Variants in KCNG2 observed in about 807,000 individuals in gnomAD.
KCNG2 encodes potassium voltage-gated channel modifier subfamily G member 2.
Under a neutral mutation model 12.3 loss-of-function variants are expected in KCNG2, and 7 were observed. That is an observed-to-expected ratio of 0.57 (90% confidence interval 0.32 to 1.07). KCNG2 has a LOEUF of 1.07. Among genes scored for constraint, KCNG2 ranks in the 50% least tolerant of loss-of-function variants. The pLI, the probability that KCNG2 is intolerant of heterozygous loss-of-function variation, is 0.04. For missense variants in KCNG2, 703 were observed against 726.0 expected, an observed-to-expected ratio of 0.97 and a Z score of 0.36; for synonymous variants, 414 against 351.4, an observed-to-expected ratio of 1.18 and a Z score of -1.99.
intron 3 of KCNG2, among the ~76,000 whole-genome samples, chr18:79,864,941 T>C (rs189716088): frequency 5.1e-4 from 45 of 88,032 alleles, no homozygotes; most frequent in Admixed American, 4.6e-3. Flanking sequence ...GCTGAGAAGT[T>C]TGGGTGCTGA....
chr18:79,834,886 C>G (rs554239564), intron 1 of KCNG2, among the ~76,000 whole-genome samples: 83 of 152,342 alleles, frequency 5.4e-4, no homozygotes, highest in African/African-American at 1.9e-3. Flanking sequence ...AACTCAGGAG[C>G]CATGCTGGGT....
chr18:79,820,571 CAT>C (rs2087563165), intron 1 of KCNG2, among the ~76,000 whole-genome samples: 1 of 152,146 alleles, frequency 6.6e-6, no homozygotes, highest in Non-Finnish European at 1.5e-5. Flanking sequence ...GCTTGCCGGG[CAT>C]GTGTGCATCT....
At chr18:79,813,417 C>T (rs2087506680) in intron 1 of KCNG2, among the ~76,000 whole-genome samples, 1 of 152,170 alleles carries the variant, frequency 6.6e-6, no homozygotes, top group African/African-American at 2.4e-5. Context: ...AATCCAACAT[C>T]TACTCACAAT....
At chr18:79,867,246 CCT>C (rs1458616060) in intron 3 of KCNG2, among the ~76,000 whole-genome samples, 13 of 151,942 alleles carry the variant, frequency 8.6e-5, no homozygotes, top group African/African-American at 2.9e-4. Context: ...TCTTCCTGCC[CCT>C]GTCTTAGACT....
At chr18:79,883,968 G>T (rs1351933136) in intron 3 of KCNG2, among the ~76,000 whole-genome samples, 1 of 152,072 alleles carries the variant, frequency 6.6e-6, no homozygotes, top group African/African-American at 2.4e-5. Flanking sequence ...CCCCCAACTC[G>T]GGTGTGCCTG....
chr18:79,873,660 A>G (rs1449601211), intron 3 of KCNG2, among the ~76,000 whole-genome samples: 4 of 152,044 alleles, frequency 2.6e-5, no homozygotes, highest in Non-Finnish European at 4.4e-5. Context: ...GGCACACCCC[A>G]TGTCCTCAGT....
intron 1 of KCNG2, among the ~76,000 whole-genome samples, chr18:79,851,309 C>CG (rs774710970): frequency 2.0e-4 from 30 of 152,142 alleles, no homozygotes; most frequent in Non-Finnish European, 3.5e-4. Context: ...CTCAAGATAT[C>CG]GGGATATCAG....
intron 1 of KCNG2, among the ~76,000 whole-genome samples, chr18:79,817,976 C>A (rs993092358): frequency 1.1e-4 from 16 of 152,232 alleles, no homozygotes; most frequent in Non-Finnish European, 1.9e-4. Context: ...GGACACCCTA[C>A]TGGACCTGCC....
intron 1 of KCNG2, among the ~76,000 whole-genome samples, chr18:79,840,086 T>G (rs111491494): frequency 7.2e-5 from 11 of 152,360 alleles, no homozygotes; most frequent in African/African-American, 2.6e-4. Flanking sequence ...TTCATCACTC[T>G]TATTCAACAT....
At chr18:79,846,099 G>A (rs1017259791) in intron 1 of KCNG2, among the ~76,000 whole-genome samples, 6 of 148,756 alleles carry the variant, frequency 4.0e-5, no homozygotes, top group African/African-American at 7.5e-5. Flanking sequence ...TTGGCTGGGC[G>A]CGGTGGCTCA....
chr18:79,799,351 C>G (rs914346949), intron 1 of KCNG2, among the ~76,000 whole-genome samples: 14 of 152,260 alleles, frequency 9.2e-5, no homozygotes, highest in East Asian at 5.8e-4. Context: ...CCTCCTCCCC[C>G]ACCCCTGTTC....
At chr18:79,820,130 C>T (rs1209151402) in intron 1 of KCNG2, among the ~76,000 whole-genome samples, 3 of 152,254 alleles carry the variant, frequency 2.0e-5, no homozygotes, top group African/African-American at 7.2e-5. Context: ...CCTCTGTTGG[C>T]GACACGTGGG....
intron 1 of KCNG2, among the ~76,000 whole-genome samples, chr18:79,809,608 G>C (rs938088818): frequency 6.7e-6 from 1 of 148,804 alleles, no homozygotes; most frequent in Non-Finnish European, 1.5e-5. Flanking sequence ...TCCACGTTAC[G>C]GTCCCAGAGT....
intron 1 of KCNG2, among the ~76,000 whole-genome samples, chr18:79,845,436 G>A (rs914402445): frequency 2.0e-5 from 3 of 152,298 alleles, no homozygotes; most frequent in South Asian, 2.1e-4. Flanking sequence ...AAGGGTGCCC[G>A]TGTATTTTCT....
Position 79,822,774 on chromosome 18 carries a change from G to A in KCNG2, c.-115+24760G>A, listed in dbSNP as rs1210850551. On this transcript the variant is annotated intron_variant, in intron 1 of 3. Transcript: ENST00000316249. The surrounding 1 kb of genome is among the most constrained non-coding windows in gnomAD (Gnocchi z 4.4). ...ACCCCGAGAGACTGGAGCCTGCTGC[G>A]TGTGGCTCTTCTAGTCTTTAGCCTC... is the stretch of plus-strand genomic sequence containing the variant. Among the ~76,000 whole-genome samples, 3 of 152,174 alleles carry A rather than the reference G, an allele frequency of 2.0e-5. No individual in the cohort carries two copies. Among genetic ancestry groups the A allele is most frequent in the Admixed American group, 6.5e-5 (1 of 15,282 alleles).
At chr18:79,812,440 A>T (rs1021461187) in intron 1 of KCNG2, among the ~76,000 whole-genome samples, 17 of 152,374 alleles carry the variant, frequency 1.1e-4, no homozygotes, top group African/African-American at 4.1e-4. Context: ...CAAATACTTA[A>T]AGAAGAATTC....
rs117890193 is a variant in KCNG2, at chr18:79,838,984, G to A, written c.-114-17395G>A. Among the ~76,000 whole-genome samples the A allele has an allele frequency of 1.2e-4, 18 of 152,232 alleles. No individual in the cohort carries two copies. In the East Asian group the frequency reaches 1.9e-3, roughly 16 times the overall value. On this transcript the variant is annotated intron_variant, in intron 1 of 3. Coordinates refer to ENST00000316249, the MANE Select transcript of KCNG2 (RefSeq NM_012283.2). Reference sequence around the variant, plus strand: ...GGGAAAAGCAGTGAAACAAAGAGCCGACTCTTTGAAAGGATCAATAGAATA... The same window carrying A: ...GGGAAAAGCAGTGAAACAAAGAGCCAACTCTTTGAAAGGATCAATAGAATA...
intron 3 of KCNG2, among the ~76,000 whole-genome samples, chr18:79,874,556 A>G (rs889372948): frequency 5.3e-5 from 8 of 152,248 alleles, no homozygotes; most frequent in Admixed American, 5.2e-4. Context: ...GAACAAAGAG[A>G]AAAGTGCAAA....
chr18:79,853,600 G>C (rs1448956067), intron 1 of KCNG2, among the ~76,000 whole-genome samples: 1 of 152,216 alleles, frequency 6.6e-6, no homozygotes, highest in African/African-American at 2.4e-5. Context: ...GAGGAGGCGG[G>C]AACCTGCTAG....
Sources: gnomAD v4.1 joint callset for allele counts (sites outside exome capture counted in the v4.1 genomes callset) on GRCh38, gnomAD v4.1.1 for gene constraint, Gnocchi (gnomAD v3.1) non-coding constraint, MANE v1.5 for transcripts, NCBI Gene and HGNC (gene_info 2026-07-23, HGNC 2026-07-21) for gene names.